The following TMEM181 variants were observed in gnomAD, a reference collection of about 807,000 sequenced individuals.
TMEM181 encodes the protein transmembrane protein 181.
In TMEM181, 39 loss-of-function variants were observed where a neutral mutation model predicts 71.9. That is an observed-to-expected ratio of 0.54 (90% CI 0.42 to 0.71). The LOEUF (loss-of-function observed/expected upper bound fraction) is 0.71, where lower values mean the gene tolerates loss of function less well. Among genes scored for constraint, TMEM181 ranks in the 30% least tolerant of loss-of-function variants. TMEM181 has a pLI of 0.00. For missense variants in TMEM181, 595 were observed against 583.0 expected, an observed-to-expected ratio of 1.02 and a Z score of -0.21; for synonymous variants, 245 against 228.8, an observed-to-expected ratio of 1.07 and a Z score of -0.64.
rs1484890129 is a variant in TMEM181, at chr6:158,633,781, G to A, written c.*1893G>A. 2 of 152,080 alleles carry A rather than the reference G, an allele frequency of 1.3e-5. No homozygotes were observed. Among genetic ancestry groups the A allele is most frequent in the Non-Finnish European group, 2.9e-5 (2 of 68,014 alleles). 9.4% of individuals were successfully genotyped at this position (152,080 alleles called of 1,614,324 possible). On this transcript the variant is annotated 3_prime_UTR_variant, in exon 17 of 17. Transcript: ENST00000684151. Reference sequence around the variant, plus strand: ...CTGCAAGGGTAATTCAAGTTTACATGATTTTTAAATTTGCAATGATGTTTT... The same window carrying A: ...CTGCAAGGGTAATTCAAGTTTACATAATTTTTAAATTTGCAATGATGTTTT...
rs1440592482 is a variant in TMEM181 at position 158,633,761 on chromosome 6, A to C, written c.*1873A>C. Reference sequence around the variant, plus strand: ...TGAATGTTTAAGACAACTTACTGCAAGGGTAATTCAAGTTTACATGATTTT... The same window carrying C: ...TGAATGTTTAAGACAACTTACTGCACGGGTAATTCAAGTTTACATGATTTT... On this transcript the variant is annotated 3_prime_UTR_variant, in exon 17 of 17. Transcript: ENST00000684151. 6.6e-6 allele frequency: 1 copy of C among 152,226 alleles called. No homozygotes were observed. Among genetic ancestry groups the C allele is most frequent in the Non-Finnish European group, 1.5e-5 (1 of 68,034 alleles). 9.4% of individuals were successfully genotyped at this position (152,226 alleles called of 1,614,324 possible).
chr6:158,619,262 C>A (rs1308350384), intron 10 of TMEM181, among the ~76,000 whole-genome samples: 1 of 152,172 alleles, frequency 6.6e-6, no homozygotes, highest in African/African-American at 2.4e-5. Context: ...GTTACTGATA[C>A]CCTTTCTTCC....
chr6:158,614,926 G>GGA (rs1291233591), intron 10 of TMEM181, among the ~76,000 whole-genome samples: 2 of 152,050 alleles, frequency 1.3e-5, no homozygotes, highest in Non-Finnish European at 2.9e-5. Context: ...TTTGCTGTTG[G>GGA]GAATAGTGCT....
At chr6:158,556,114 T>C (rs935746056), upstream of TMEM181, among the ~76,000 whole-genome samples, 3 of 152,180 alleles carry the variant, frequency 2.0e-5, no homozygotes, top group African/African-American at 7.2e-5. Context: ...CAAGGACTTT[T>C]CAGAAAAGAC....
At chr6:158,597,145 C>T (rs1784426017) in intron 6 of TMEM181, among the ~76,000 whole-genome samples, 1 of 152,136 alleles carries the variant, frequency 6.6e-6, no homozygotes. Flanking sequence ...GTTGTTGATG[C>T]CGTCTCCCTT....
chr6:158,570,091 T>C (rs1386768391), intron 1 of TMEM181, among the ~76,000 whole-genome samples: 1 of 152,112 alleles, frequency 6.6e-6, no homozygotes, highest in Non-Finnish European at 1.5e-5. Context: ...CGGAGCTCCA[T>C]AGTCTTGGGA....
At chr6:158,594,638 A>G (rs568055103) in intron 6 of TMEM181, among the ~76,000 whole-genome samples, 3 of 152,352 alleles carry the variant, frequency 2.0e-5, no homozygotes, top group Admixed American at 1.3e-4. Context: ...CATAGCTACT[A>G]TAAACATCTG....
chr6:158,583,521 G>A (rs4709220), intron 3 of TMEM181, among the ~76,000 whole-genome samples: 48,439 of 152,046 alleles, frequency 0.32, 8,238 homozygotes, highest in East Asian at 0.66. Context: ...AAACCTCATG[G>A]CCGGGCGCAG....
At chr6:158,606,345 A>G (rs73796522) in intron 7 of TMEM181, among the ~76,000 whole-genome samples, 12,767 of 136,772 alleles carry the variant, frequency 0.093, 1,266 homozygotes, top group Middle Eastern at 0.15. Context: ...CCAGGATCTC[A>G]GGGCTCCCGC....
chr6:158,611,131 C>A (rs1303254160), intron 10 of TMEM181: 1 of 525,258 alleles, frequency 1.9e-6, no homozygotes, highest in Non-Finnish European at 3.9e-6. Flanking sequence ...TGGGTTTCTC[C>A]TGAGGGTCTG....
At chr6:158,614,870 C>G (rs1463506607) in intron 10 of TMEM181, among the ~76,000 whole-genome samples, 4 of 152,158 alleles carry the variant, frequency 2.6e-5, no homozygotes. Flanking sequence ...GTCACATTTT[C>G]TTAATCCAGT....
chr6:158,560,815 C>CT (rs10708542), intron 1 of TMEM181, among the ~76,000 whole-genome samples: 3 of 147,202 alleles, frequency 2.0e-5, no homozygotes, highest in Non-Finnish European at 1.5e-5. Flanking sequence ...TGACTTTGGG[C>CT]TTTTTTTTTT....
chr6:158,608,470 C>T lies in TMEM181; in HGVS notation c.804+7C>T, dbSNP rs745417536. ...CCACGGGATTCGTGTCCAGGTGAGC[C>T]GGAGCCGCCCTCACTGCCGGGGGAG... On this transcript the variant is annotated splice_region_variant and intron_variant, in intron 9 of 16. Coordinates refer to ENST00000684151, the MANE Select transcript of TMEM181 (RefSeq NM_001376852.1). 9.3e-6 allele frequency: 15 copies of T among 1,614,036 alleles called. No individual in the cohort carries two copies. The highest frequency in any genetic ancestry group is 1.6e-4 in the Middle Eastern group (1 of 6,080).
At chr6:158,611,981 C>CG (rs1562307845) in intron 10 of TMEM181, among the ~76,000 whole-genome samples, 8 of 145,632 alleles carry the variant, frequency 5.5e-5, no homozygotes, top group South Asian at 2.2e-4. Flanking sequence ...GGGATACCCC[C>CG]CCCACCTCCT....
intron 1 of TMEM181, among the ~76,000 whole-genome samples, chr6:158,546,325 G>T (rs1781525553): frequency 6.6e-6 from 1 of 152,230 alleles, no homozygotes; most frequent in South Asian, 2.1e-4. Context: ...TGGCAGCTAT[G>T]TCAGGGACAG....
At chr6:158,619,356 G>A (rs1266956201) in intron 10 of TMEM181, among the ~76,000 whole-genome samples, 1 of 152,056 alleles carries the variant, frequency 6.6e-6, no homozygotes, top group East Asian at 1.9e-4. Flanking sequence ...GGTCGTTTAA[G>A]GTCTTCTCTG....
intron 10 of TMEM181, among the ~76,000 whole-genome samples, chr6:158,619,510 T>C (rs1422124303): frequency 6.6e-6 from 1 of 152,188 alleles, no homozygotes; most frequent in African/African-American, 2.4e-5. Context: ...CTCGTCAAAG[T>C]CATTCAGAGG....
chr6:158,627,720 G>A (rs888324546), intron 13 of TMEM181, among the ~76,000 whole-genome samples: 3 of 152,226 alleles, frequency 2.0e-5, no homozygotes, highest in Non-Finnish European at 4.4e-5. Context: ...GAGGCAGAGC[G>A]AGCTCTTGAG....
rs1236934258 is a variant in TMEM181, at chr6:158,571,076, C to CTAATTTTTTAAAAAATTAATTAATTAAT, written c.9-2334_9-2307dup. On this transcript the variant is annotated intron_variant, in intron 1 of 16. Coordinates refer to ENST00000684151, the MANE Select transcript of TMEM181 (RefSeq NM_001376852.1). Reference sequence around the variant, plus strand: ...TACAGGCATGTGCCACCACACCCAGCTAATTTTTTAAAAAATTAATTAATT... The same window carrying CTAATTTTTTAAAAAATTAATTAATTAAT: ...TACAGGCATGTGCCACCACACCCAGCTAATTTTTTAAAAAATTAATTAATTAATTAATTTTTTAAAAAATTAATTAATT... Among the ~76,000 whole-genome samples, 568 of 151,666 alleles carry CTAATTTTTTAAAAAATTAATTAATTAAT rather than the reference C, an allele frequency of 3.7e-3. 3 individuals carry two copies. Among genetic ancestry groups the CTAATTTTTTAAAAAATTAATTAATTAAT allele is most frequent in the Non-Finnish European group, 6.7e-3 (452 of 67,838 alleles).
Sources: allele counts gnomAD v4.1 joint callset (sites outside exome capture counted in the v4.1 genomes callset), GRCh38; gene constraint gnomAD v4.1.1; transcripts MANE v1.5; gene names NCBI Gene and HGNC (gene_info 2026-07-23, HGNC 2026-07-21).